SUSD1: variants seen among roughly 807,000 people sequenced by gnomAD.
The protein encoded by SUSD1 is sushi domain containing 1.
A neutral mutation model predicts 86.9 loss-of-function variants in SUSD1; 65 were observed. The observed-to-expected ratio is 0.75, with a 90% CI of 0.61 to 0.92. The LOEUF is 0.92. Ranked by LOEUF, SUSD1 falls within the 40% of genes least tolerant of loss-of-function variation. SUSD1 has a pLI of 0.00. For synonymous variants in SUSD1, 346 were observed against 350.0 expected, an observed-to-expected ratio of 0.99 and a Z score of 0.13; for missense variants, 850 against 929.7, an observed-to-expected ratio of 0.91 and a Z score of 1.11.
intron 2 of SUSD1, among the ~76,000 whole-genome samples, chr9:112,156,577 A>T (rs534051934): frequency 1.7e-3 from 256 of 151,886 alleles, no homozygotes; most frequent in Non-Finnish European, 3.0e-3. Flanking sequence ...TGGCTAATTT[A>T]AAAAAAACTT....
intron 5 of SUSD1, among the ~76,000 whole-genome samples, chr9:112,125,059 A>G (rs542691651): frequency 6.6e-6 from 1 of 152,188 alleles, no homozygotes; most frequent in African/African-American, 2.4e-5. Flanking sequence ...CAGCCAAACT[A>G]TACTTCACTT....
intron 5 of SUSD1, among the ~76,000 whole-genome samples, chr9:112,134,686 C>T (rs990146483): frequency 6.6e-6 from 1 of 151,748 alleles, no homozygotes; most frequent in African/African-American, 2.4e-5. Flanking sequence ...ATTCATATCC[C>T]AAATCTCAGC....
At chr9:112,043,938 C>A (rs1296099668) in intron 15 of SUSD1, among the ~76,000 whole-genome samples, 1 of 152,090 alleles carries the variant, frequency 6.6e-6, no homozygotes, top group African/African-American at 2.4e-5. Context: ...GTAGCTGGGA[C>A]TACAGGTGTA....
intron 5 of SUSD1, among the ~76,000 whole-genome samples, chr9:112,137,214 G>T (rs1832303542): frequency 6.6e-6 from 1 of 152,176 alleles, no homozygotes; most frequent in African/African-American, 2.4e-5. Context: ...CATGTGCTCA[G>T]AAAGGAGCAG....
rs559449272 is a variant in SUSD1, at chr9:112,063,762, G to A, written c.1754-729C>T. The stretch of plus-strand genomic sequence containing the variant: ...TGCCATTCTGCCTTGTGGGTAACAC[G>A]CTAAGTAAGACATACTGGGCACTAA... On this transcript the variant is annotated intron_variant, in intron 12 of 16. Coordinates refer to ENST00000374270, the MANE Select transcript of SUSD1 (RefSeq NM_022486.5). Among the ~76,000 whole-genome samples, 54 of 152,256 alleles carry A rather than the reference G, an allele frequency of 3.5e-4. No homozygotes were observed. The East Asian group carries it at 8.9e-3, about 25-fold the overall frequency.
chr9:112,055,678 G>A (rs1564249855), intron 14 of SUSD1, among the ~76,000 whole-genome samples: 1 of 152,210 alleles, frequency 6.6e-6, no homozygotes, highest in Non-Finnish European at 1.5e-5. Flanking sequence ...AGAACTGAAA[G>A]CAGGGGCTGA....
Position 112,084,938 on chromosome 9 carries a change from G to A in SUSD1, c.1475-4773C>T, listed in dbSNP as rs189268896. On this transcript the variant is annotated intron_variant, in intron 10 of 16. Transcript: ENST00000374270. ...TCATTTGTATGGGCAAGCGACTCTTGGCAAAATCAATCACTATTTCCTCTC... is the reference window on the plus strand; with the variant it reads ...TCATTTGTATGGGCAAGCGACTCTTAGCAAAATCAATCACTATTTCCTCTC... Among the ~76,000 whole-genome samples, 8 of 152,250 alleles carry A rather than the reference G, an allele frequency of 5.3e-5. No individual in the cohort carries two copies. In the East Asian group the frequency reaches 1.5e-3, roughly 29 times the overall value.
At chr9:112,129,919 T>C (rs779542760) in intron 5 of SUSD1, among the ~76,000 whole-genome samples, 14 of 152,184 alleles carry the variant, frequency 9.2e-5, no homozygotes, top group Non-Finnish European at 1.9e-4. Flanking sequence ...TACGTCTAAA[T>C]AACAGGACAG....
At chr9:112,062,823 C>G in intron 13 of SUSD1, 114 bp downstream of exon 13, 1 of 685,022 alleles carries the variant, frequency 1.5e-6, no homozygotes. Flanking sequence ...CTGCATTGTT[C>G]TAACCACCCA....
At chr9:112,169,278 C>G (rs1688009403) in intron 1 of SUSD1, 1 of 152,152 alleles carries the variant, frequency 6.6e-6, no homozygotes, top group South Asian at 2.1e-4. Context: ...ATCAAGAACT[C>G]TCAGTTGGGC....
intron 8 of SUSD1, among the ~76,000 whole-genome samples, chr9:112,107,158 G>A (rs1250679049): frequency 2.6e-5 from 4 of 151,110 alleles, no homozygotes; most frequent in Admixed American, 1.3e-4. Context: ...TGGGAGCTGA[G>A]GTGGGAGGAT....
At chr9:112,049,143 A>G (rs773340131) in intron 15 of SUSD1, among the ~76,000 whole-genome samples, 29 of 152,194 alleles carry the variant, frequency 1.9e-4, no homozygotes, top group Non-Finnish European at 3.4e-4. Context: ...TGCTACAGGT[A>G]GGAAGGCCTA....
intron 5 of SUSD1, among the ~76,000 whole-genome samples, chr9:112,126,516 G>C (rs1831780781): frequency 1.3e-5 from 2 of 152,174 alleles, no homozygotes; most frequent in South Asian, 4.1e-4. Context: ...TAGGGATTAA[G>C]GCTCAAAGGC....
intron 2 of SUSD1, among the ~76,000 whole-genome samples, chr9:112,152,471 A>G (rs1412718260): frequency 6.6e-6 from 1 of 151,042 alleles, no homozygotes; most frequent in Non-Finnish European, 1.5e-5. Context: ...GTGTGATCAT[A>G]GCTCACTGCA....
At chr9:112,108,739 C>T (rs1052689522) in intron 8 of SUSD1, among the ~76,000 whole-genome samples, 5 of 127,298 alleles carry the variant, frequency 3.9e-5, no homozygotes, top group South Asian at 2.5e-4. Context: ...GATTGTACTA[C>T]TGCACTGCAA....
chr9:112,049,824 T>A (rs1468262990), intron 15 of SUSD1, among the ~76,000 whole-genome samples: 1 of 152,178 alleles, frequency 6.6e-6, no homozygotes, highest in Non-Finnish European at 1.5e-5. Context: ...CTTCCAGAGA[T>A]TTCCAGTGGT....
At chr9:112,153,064 A>G (rs1833136406) in intron 2 of SUSD1, among the ~76,000 whole-genome samples, 1 of 151,934 alleles carries the variant, frequency 6.6e-6, no homozygotes, top group Non-Finnish European at 1.5e-5. Flanking sequence ...CCAGGAGTTC[A>G]AGAAGAGCCT....
rs192832653 is a variant in SUSD1 at position 112,157,503 on chromosome 9, C to A, written c.214G>T (p.Val72Phe). 8 of 1,611,208 alleles carry A rather than the reference C, an allele frequency of 5.0e-6. No homozygotes were observed. In the African/African-American group the frequency reaches 8.0e-5, roughly 16 times the overall value. ...GFVGNGRTQCVDKNECQFGAT... is the reference protein window; with the variant it reads ...GFVGNGRTQCFDKNECQFGAT... Reference sequence around the variant, plus strand: ...TAACCCAGAGTTCAGAACTTACCAACACACTGAGTCCTCCCGTTCCCTACA... The same window carrying A: ...TAACCCAGAGTTCAGAACTTACCAAAACACTGAGTCCTCCCGTTCCCTACA... The change falls in exon 2 of 17, where the codon GTT becomes TTT. Residue 72 changes from valine to phenylalanine, a missense_variant. By Grantham distance (50) the Val-to-Phe change is conservative. Coordinates refer to ENST00000374270, the MANE Select transcript of SUSD1 (RefSeq NM_022486.5).
chr9:112,128,507 C>T (rs986080530), intron 5 of SUSD1, among the ~76,000 whole-genome samples: 1 of 152,112 alleles, frequency 6.6e-6, no homozygotes, highest in Non-Finnish European at 1.5e-5. Context: ...AATTCTCCTG[C>T]CTCAGCCTCC....
Sources: allele counts gnomAD v4.1 joint callset (sites outside exome capture counted in the v4.1 genomes callset), GRCh38; gene constraint gnomAD v4.1.1; transcripts MANE v1.5; gene names NCBI Gene and HGNC (gene_info 2026-07-23, HGNC 2026-07-21).